Variants in SOX5 observed in about 807,000 individuals in gnomAD.
SOX5 encodes SRY-box transcription factor 5, also known as transcription factor SOX-5.
SOX5 carries 9 observed loss-of-function variants against 92.0 expected under a neutral mutation model. The ratio of observed to expected loss-of-function variants is 0.10; its 90% CI spans 0.06 to 0.17. The LOEUF is 0.17. Ranked by LOEUF, SOX5 falls within the 10% of genes least tolerant of loss-of-function variation. The pLI is 1.00. For synonymous variants in SOX5, 344 were observed against 336.3 expected (o/e 1.02, Z -0.25); for missense variants, 642 against 944.5 (o/e 0.68, Z 4.20).
At chr12:24,474,471 C>CA (rs527251041) in intron 1 of SOX5, among the ~76,000 whole-genome samples, 36 of 152,190 alleles carry the variant, frequency 2.4e-4, no homozygotes, top group African/African-American at 8.4e-4. Context: ...TTGTTCTGTG[C>CA]AAAAAATGTA....
intron 1 of SOX5, among the ~76,000 whole-genome samples, chr12:24,448,552 TA>T (rs1246368419): frequency 6.6e-6 from 1 of 152,172 alleles, no homozygotes; most frequent in Admixed American, 6.5e-5. Flanking sequence ...TGGTATTAAA[TA>T]CTAAAATTTA....
chr12:24,373,129 A>G (rs1956914405), intron 1 of SOX5, among the ~76,000 whole-genome samples: 1 of 151,570 alleles, frequency 6.6e-6, no homozygotes, highest in African/African-American at 2.4e-5. Context: ...AAGAGGAAAA[A>G]AAAAACCAGA....
At chr12:24,293,722 T>C (rs766328123) in intron 2 of SOX5, among the ~76,000 whole-genome samples, 28 of 152,348 alleles carry the variant, frequency 1.8e-4, no homozygotes, top group Middle Eastern at 3.4e-3. Context: ...CCATTTTTGT[T>C]ATCACTTTTT....
At chr12:24,290,710 G>A (rs926704857) in intron 2 of SOX5, among the ~76,000 whole-genome samples, 1 of 152,280 alleles carries the variant, frequency 6.6e-6, no homozygotes, top group East Asian at 1.9e-4. Flanking sequence ...GCTATAAAGA[G>A]GGAGAGATAT....
At chr12:23,693,306 T>C (rs546607761) in intron 6 of SOX5, among the ~76,000 whole-genome samples, 1 of 152,228 alleles carries the variant, frequency 6.6e-6, no homozygotes, top group Non-Finnish European at 1.5e-5. Flanking sequence ...GGATTTGTAG[T>C]AGAGGTGGGT....
intron 4 of SOX5, among the ~76,000 whole-genome samples, chr12:24,090,950 C>T (rs1944565278): frequency 1.3e-5 from 2 of 152,274 alleles, no homozygotes; most frequent in South Asian, 4.1e-4. Flanking sequence ...GAACTGTCGA[C>T]ACCTTATGGA....
chr12:24,494,973 T>A (rs1287338545), intron 1 of SOX5, among the ~76,000 whole-genome samples: 1 of 152,174 alleles, frequency 6.6e-6, no homozygotes, highest in East Asian at 1.9e-4. Flanking sequence ...AAAAAGGTAA[T>A]TTTTTTCTCT....
chr12:23,985,378 G>A (rs1175774094), intron 4 of SOX5, among the ~76,000 whole-genome samples: 2 of 152,012 alleles, frequency 1.3e-5, no homozygotes, highest in Non-Finnish European at 2.9e-5. Flanking sequence ...TTTTTCCAAA[G>A]TGCTGGGATT....
chr12:23,927,003 G>A (rs779639283), intron 1 of SOX5, among the ~76,000 whole-genome samples: 6 of 152,000 alleles, frequency 3.9e-5, no homozygotes, highest in Admixed American at 1.3e-4. Flanking sequence ...ACTAAAAAAT[G>A]AAAAAGATGA....
chr12:23,711,102 A>G (rs1294882361), intron 6 of SOX5, among the ~76,000 whole-genome samples: 1 of 152,216 alleles, frequency 6.6e-6, no homozygotes. Context: ...TCATCTCATA[A>G]TAAAAACAAA....
chr12:23,942,318 C>G (rs916276288), intron 1 of SOX5, among the ~76,000 whole-genome samples: 14 of 151,716 alleles, frequency 9.2e-5, no homozygotes, highest in Admixed American at 6.6e-5. Flanking sequence ...AACCAGTGTT[C>G]AAACAACCTA....
chr12:24,340,795 C>T (rs1230423877), intron 2 of SOX5, among the ~76,000 whole-genome samples: 1 of 152,164 alleles, frequency 6.6e-6, no homozygotes, highest in African/African-American at 2.4e-5. Context: ...TAATACAGAG[C>T]TACACACTCA....
intron 2 of SOX5, among the ~76,000 whole-genome samples, chr12:24,367,356 T>C (rs1956278098): frequency 6.6e-6 from 1 of 152,226 alleles, no homozygotes; most frequent in Non-Finnish European, 1.5e-5. Context: ...CATGTTGTCC[T>C]ACCACTTTGC....
Position 23,534,530 on chromosome 12 carries a change from G to T in SOX5, c.1989-8C>A. On this transcript the variant is annotated splice_region_variant and splice_polypyrimidine_tract_variant and intron_variant, in intron 14 of 14. Transcript: ENST00000451604. ...GGGATCTGTGCTTGTTGCCTGTCAA[G>T]AAAGGAATTTCCAAAAAGACATCGT... 6.2e-7 allele frequency: 1 copy of T among 1,603,624 alleles called. No homozygotes were observed. The highest frequency in any genetic ancestry group is 8.5e-7 in the Non-Finnish European group (1 of 1,174,666).
At chr12:23,760,775 T>C (rs1036581427) in intron 3 of SOX5, among the ~76,000 whole-genome samples, 1 of 152,102 alleles carries the variant, frequency 6.6e-6, no homozygotes, top group Non-Finnish European at 1.5e-5. Flanking sequence ...GCCAACATAT[T>C]GTAATTCTCC....
chr12:23,911,604 AC>A (rs1433241899), intron 1 of SOX5, among the ~76,000 whole-genome samples: 2 of 152,046 alleles, frequency 1.3e-5, no homozygotes, highest in Non-Finnish European at 2.9e-5. Context: ...AATGATGTAT[AC>A]CTTTTATTCC....
intron 1 of SOX5, among the ~76,000 whole-genome samples, chr12:24,466,840 T>C (rs1357113751): frequency 1.3e-5 from 2 of 152,198 alleles, no homozygotes; most frequent in African/African-American, 4.8e-5. Context: ...GCTCCCCAGG[T>C]AATCTGATGC....
At chr12:24,501,145 A>G (rs1199367511) in intron 1 of SOX5, among the ~76,000 whole-genome samples, 1 of 152,194 alleles carries the variant, frequency 6.6e-6, no homozygotes, top group East Asian at 1.9e-4. Context: ...TTATCCTTAT[A>G]AATTAGCCTA....
intron 1 of SOX5, among the ~76,000 whole-genome samples, chr12:24,413,788 G>GT (rs1486422899): frequency 6.6e-6 from 1 of 152,136 alleles, no homozygotes; most frequent in Non-Finnish European, 1.5e-5. Context: ...GAGTGAGCAT[G>GT]TTGTTTTTCA....
Sources: allele counts gnomAD v4.1 joint callset (sites outside exome capture counted in the v4.1 genomes callset), GRCh38; gene constraint gnomAD v4.1.1; transcripts MANE v1.5; gene names NCBI Gene and HGNC (gene_info 2026-07-23, HGNC 2026-07-21).